Variants in PCDHGA1 observed in about 807,000 individuals in gnomAD.
PCDHGA1 encodes the protein protocadherin gamma-A1.
Under a neutral mutation model 58.0 loss-of-function variants are expected in PCDHGA1, and 32 were observed. That is an observed-to-expected ratio of 0.55 (90% CI 0.42 to 0.74). The LOEUF is 0.74. Ranked by LOEUF, PCDHGA1 falls within the 30% of genes least tolerant of loss-of-function variation. The pLI, the probability that PCDHGA1 is intolerant of heterozygous loss-of-function variation, is 0.00. For missense variants in PCDHGA1, 1,205 were observed against 1,182.3 expected, an observed-to-expected ratio of 1.02 and a Z score of -0.28; for synonymous variants, 498 against 501.1, an observed-to-expected ratio of 0.99 and a Z score of 0.08.
chr5:141,478,011 G>A (rs1216659966), intron 1 of PCDHGA1: 1 of 1,614,088 alleles, frequency 6.2e-7, no homozygotes, highest in East Asian at 2.2e-5. Flanking sequence ...AGTACTGCCC[G>A]TCCAGTCCAA....
At position 141,332,024 on chromosome 5, in the gene PCDHGA1, A is replaced by G; in HGVS notation, c.1340A>G (p.Asp447Gly). The change falls in exon 1 of 4, where the codon GAC (aspartate) becomes GGC (glycine). Residue 447 changes from aspartate to glycine, a missense_variant. Asp to Gly is a moderately conservative substitution (Grantham distance 94, BLOSUM62 -1). Transcript: ENST00000517417. This position sits in a 1 kb window ranked among gnomAD's most constrained non-coding sequence, Gnocchi z 4.6. ...HISLLVTDIN[D>G]NSPVFHQDSY... Reference sequence around the variant, plus strand: ...TCACTACTAGTGACAGATATCAATGACAACTCCCCAGTCTTCCATCAGGAC... The same window carrying G: ...TCACTACTAGTGACAGATATCAATGGCAACTCCCCAGTCTTCCATCAGGAC... 6.2e-7 allele frequency: 1 copy of G among 1,614,162 alleles called. No individual in the cohort carries two copies. The highest frequency in any genetic ancestry group is 8.5e-7 in the Non-Finnish European group (1 of 1,180,030).
At chr5:141,500,221 TTTA>T (rs1428029040) in intron 2 of PCDHGA1, among the ~76,000 whole-genome samples, 2 of 151,002 alleles carry the variant, frequency 1.3e-5, no homozygotes, top group Non-Finnish European at 2.9e-5. Flanking sequence ...TATTTATTTA[TTTA>T]TTGATACGTA....
intron 1 of PCDHGA1, chr5:141,402,791 C>A: frequency 1.0e-6 from 1 of 998,930 alleles, no homozygotes; most frequent in Non-Finnish European, 1.4e-6. Context: ...TCTGCGGCTA[C>A]ACAAAACCCG....
chr5:141,345,827 G>C (rs779769007), intron 1 of PCDHGA1: 69 of 1,613,472 alleles, frequency 4.3e-5, no homozygotes, highest in Non-Finnish European at 5.5e-5. Context: ...ACAGAGACTC[G>C]GGCCAGAACG....
At chr5:141,338,914 A>G in intron 1 of PCDHGA1, 1 of 1,507,004 alleles carries the variant, frequency 6.6e-7, no homozygotes, top group Non-Finnish European at 8.9e-7. Context: ...AGGAATAAAG[A>G]TTGGAATCCG....
At chr5:141,381,990 C>T (rs1182122495) in intron 1 of PCDHGA1, among the ~76,000 whole-genome samples, 1 of 151,686 alleles carries the variant, frequency 6.6e-6, no homozygotes, top group Middle Eastern at 3.4e-3. Flanking sequence ...CCACCACGCC[C>T]GGATAATTTT....
chr5:141,501,311 AC>A (rs2099807696), intron 2 of PCDHGA1, among the ~76,000 whole-genome samples: 1 of 151,670 alleles, frequency 6.6e-6, no homozygotes, highest in Non-Finnish European at 1.5e-5. Context: ...ACACACACAC[AC>A]ACACACACAC....
At chr5:141,421,478 G>T in intron 1 of PCDHGA1, 1 of 1,614,130 alleles carries the variant, frequency 6.2e-7, no homozygotes, top group Non-Finnish European at 8.5e-7. Flanking sequence ...CGAAGCGGCA[G>T]CTTGATCACG....
At chr5:141,383,821 G>C in intron 1 of PCDHGA1, 1 of 1,613,922 alleles carries the variant, frequency 6.2e-7, no homozygotes, top group Non-Finnish European at 8.5e-7. Flanking sequence ...AGAAGGATTA[G>C]ATTATGAAGA....
At chr5:141,357,932 G>A (rs1588531213) in intron 1 of PCDHGA1, among the ~76,000 whole-genome samples, 1 of 152,166 alleles carries the variant, frequency 6.6e-6, no homozygotes, top group East Asian at 1.9e-4. Context: ...GCTCACACCT[G>A]TAATCCTAAC....
chr5:141,431,879 C>T lies in PCDHGA1; in HGVS notation c.2422-62928C>T. 1 of 1,614,162 alleles carries T rather than the reference C, an allele frequency of 6.2e-7. No individual in the cohort carries two copies. The highest frequency in any genetic ancestry group is 8.5e-7 in the Non-Finnish European group (1 of 1,179,970). ...AATTGCCCTTTTAAATGTAAATGAC[C>T]AAGATTCTGAGGAAAACGGACAGGT... On this transcript the variant is annotated intron_variant, in intron 1 of 3. Coordinates refer to ENST00000517417, the MANE Select transcript of PCDHGA1 (RefSeq NM_018912.3). The surrounding 1 kb of genome is among the most constrained non-coding windows in gnomAD (Gnocchi z 4.8).
chr5:141,375,962 C>T (rs763635174), intron 1 of PCDHGA1: 3 of 1,613,226 alleles, frequency 1.9e-6, no homozygotes, highest in African/African-American at 2.7e-5. Flanking sequence ...GGGCGAGGTG[C>T]GCACGGCGCG....
At chr5:141,496,888 T>TAA (rs35063790) in intron 2 of PCDHGA1, among the ~76,000 whole-genome samples, 141 of 134,106 alleles carry the variant, frequency 1.1e-3, no homozygotes, top group East Asian at 2.4e-3. Context: ...AAGTAACACT[T>TAA]AAAAAAAAAA....
chr5:141,427,793 G>C, intron 1 of PCDHGA1: 1 of 1,495,528 alleles, frequency 6.7e-7, no homozygotes, highest in Non-Finnish European at 9.2e-7. Flanking sequence ...CGTCCTACGT[G>C]TCCGTGAGCG....
At chr5:141,364,714 T>C in intron 1 of PCDHGA1, 1 of 1,613,970 alleles carries the variant, frequency 6.2e-7, no homozygotes, top group South Asian at 1.1e-5. Context: ...ATATTAATGA[T>C]AACTTCCCGC....
chr5:141,402,867 C>T, intron 1 of PCDHGA1: 2 of 1,443,510 alleles, frequency 1.4e-6, no homozygotes, highest in Non-Finnish European at 1.8e-6. Context: ...AGGAAAAGAT[C>T]ACCATACTTT....
rs143362044 is a variant in PCDHGA1, at chr5:141,511,092, C to T, written c.2715C>T (p.Asn905=). The T allele has an allele frequency of 4.5e-5, 73 of 1,614,088 alleles. No homozygotes were observed. Among genetic ancestry groups the T allele is most frequent in the Admixed American group, 1.5e-4 (9 of 60,012 alleles). ...YIPGSNATLT[N]AAGKRDGKAP... is the part of the protein sequence containing the mutation. ...CAGGCAGCAATGCCACACTGACCAA[C>T]GCAGCTGGCAAGCGGGATGGCAAGG... The change falls in exon 4 of 4, where the codon AAC becomes AAT. Residue 905 remains asparagine, a synonymous_variant. Coordinates refer to ENST00000517417, the MANE Select transcript of PCDHGA1 (RefSeq NM_018912.3).
intron 1 of PCDHGA1, chr5:141,393,472 C>A: frequency 6.2e-7 from 1 of 1,614,024 alleles, no homozygotes; most frequent in Non-Finnish European, 8.5e-7. Context: ...GGCGGCAAGC[C>A]GCCTCGCTCT....
intron 1 of PCDHGA1, chr5:141,441,988 A>G: frequency 3.7e-6 from 1 of 269,936 alleles, no homozygotes; most frequent in Non-Finnish European, 7.3e-6. Flanking sequence ...ATGCGCACCG[A>G]CGAGGTGCTG....
Sources: allele counts gnomAD v4.1 joint callset (sites outside exome capture counted in the v4.1 genomes callset), GRCh38; gene constraint gnomAD v4.1.1; non-coding constraint Gnocchi (gnomAD v3.1); transcripts MANE v1.5; gene names NCBI Gene and HGNC (gene_info 2026-07-23, HGNC 2026-07-21).